CSMD1: variants seen among roughly 807,000 people sequenced by gnomAD.
CSMD1 encodes CUB and Sushi multiple domains 1, also known as CUB and sushi domain-containing protein 1.
A neutral mutation model predicts 417.5 loss-of-function variants in CSMD1; 213 were observed. The ratio of observed to expected loss-of-function variants is 0.51; its 90% CI spans 0.46 to 0.57. The LOEUF is 0.57. CSMD1 is among the 20% of genes least tolerant of loss of function. The pLI is 0.00. For synonymous variants in CSMD1, 2,862 were observed against 1,736.8 expected, an observed-to-expected ratio of 1.65 and a Z score of -16.11; for missense variants, 6,923 against 4,529.7, an observed-to-expected ratio of 1.53 and a Z score of -15.17.
intron 1 of CSMD1, among the ~76,000 whole-genome samples, chr8:4,649,995 C>A (rs190918265): frequency 6.6e-6 from 1 of 152,106 alleles, no homozygotes; most frequent in Non-Finnish European, 1.5e-5. Context: ...ATAAGACTGT[C>A]GAGAACTTGA....
chr8:3,215,042 C>T (rs924881134), intron 29 of CSMD1, among the ~76,000 whole-genome samples: 3 of 152,100 alleles, frequency 2.0e-5, no homozygotes, highest in Non-Finnish European at 4.4e-5. Flanking sequence ...GAAAAATTGA[C>T]TCTGGAAAAA....
intron 3 of CSMD1, among the ~76,000 whole-genome samples, chr8:4,301,374 G>A (rs923005423): frequency 1.3e-5 from 2 of 152,164 alleles, no homozygotes; most frequent in African/African-American, 4.8e-5. Flanking sequence ...CCAGCCCTTG[G>A]TAGCCAATGC....
chr8:3,280,741 G>T lies in CSMD1; in HGVS notation c.4153+3403C>A, dbSNP rs1802671234. Among the ~76,000 whole-genome samples the T allele has an allele frequency of 2.0e-5, 3 of 151,866 alleles. No homozygotes were observed. The South Asian group carries it at 6.2e-4, about 32-fold the overall frequency. ...GTAAAAAATAGTAATTGTCATTTCT[G>T]TAGAAACTTTCATGGTGTCTTCATG... On this transcript the variant is annotated intron_variant, in intron 26 of 69. Coordinates refer to ENST00000635120, the MANE Select transcript of CSMD1 (RefSeq NM_033225.6).
intron 6 of CSMD1, among the ~76,000 whole-genome samples, chr8:3,747,306 G>A (rs1260159335): frequency 6.6e-6 from 1 of 152,144 alleles, no homozygotes; most frequent in African/African-American, 2.4e-5. Context: ...GTAATTTTAT[G>A]TGGCCCCATT....
At chr8:2,962,715 T>C in intron 60 of CSMD1, 76 bp from the exon 61 acceptor site, 2 of 1,443,866 alleles carry the variant, frequency 1.4e-6, no homozygotes, top group South Asian at 1.3e-5. Context: ...TGGTAACTAG[T>C]TTCTGTTAAA....
At chr8:4,445,833 G>A (rs945482885) in intron 2 of CSMD1, among the ~76,000 whole-genome samples, 1 of 152,234 alleles carries the variant, frequency 6.6e-6, no homozygotes, top group Non-Finnish European at 1.5e-5. Context: ...TGCCTACTTA[G>A]TAATTAACAT....
chr8:4,703,538 T>C (rs1432115735), intron 1 of CSMD1, among the ~76,000 whole-genome samples: 1 of 152,174 alleles, frequency 6.6e-6, no homozygotes, highest in Non-Finnish European at 1.5e-5. Context: ...TTTTTATCAA[T>C]TTTGCAAGGA....
At chr8:4,699,321 C>G (rs548195678) in intron 1 of CSMD1, among the ~76,000 whole-genome samples, 10 of 152,314 alleles carry the variant, frequency 6.6e-5, no homozygotes, top group African/African-American at 2.4e-4. Context: ...CTTTACTTCT[C>G]TTAATACTGC....
At chr8:4,955,189 G>A (rs141533079) in intron 1 of CSMD1, among the ~76,000 whole-genome samples, 49 of 152,266 alleles carry the variant, frequency 3.2e-4, no homozygotes, top group African/African-American at 1.2e-3. Context: ...GGCTGTTCCC[G>A]TTGGCTTCTA....
intron 46 of CSMD1, among the ~76,000 whole-genome samples, chr8:3,102,556 G>A (rs1303441261): frequency 2.0e-5 from 3 of 152,162 alleles, no homozygotes; most frequent in Admixed American, 6.6e-5. Flanking sequence ...TTAGACATGT[G>A]CCACTTAAAG....
chr8:3,352,824 G>A (rs112770229), intron 21 of CSMD1, among the ~76,000 whole-genome samples: 2,106 of 152,168 alleles, frequency 0.014, 49 homozygotes, highest in African/African-American at 0.046. Flanking sequence ...TGGGCAACAA[G>A]AAAGAAACTC....
In CSMD1 at chr8:3,898,864, A is replaced by G. The variant is rs557075038; in HGVS notation, c.818+99039T>C. Among the ~76,000 whole-genome samples the G allele has an allele frequency of 1.8e-3, 268 of 152,298 alleles. 2 individuals carry two copies. Among genetic ancestry groups the G allele is most frequent in the Non-Finnish European group, 1.6e-3 (112 of 68,028 alleles). ...TTCTCAGGACATAGCTGATAGCCCCAATACTCTGTTGGTCCCCTTAGGGGT... is the reference window on the plus strand; with the variant it reads ...TTCTCAGGACATAGCTGATAGCCCCGATACTCTGTTGGTCCCCTTAGGGGT... On this transcript the variant is annotated intron_variant, in intron 5 of 69. Coordinates refer to ENST00000635120, the MANE Select transcript of CSMD1 (RefSeq NM_033225.6).
intron 2 of CSMD1, among the ~76,000 whole-genome samples, chr8:4,457,970 C>G (rs1275169209): frequency 1.3e-5 from 2 of 152,160 alleles, no homozygotes; most frequent in African/African-American, 4.8e-5. Context: ...AGATGTACTT[C>G]TTTGGTTGGT....
At position 3,181,274 on chromosome 8, in the gene CSMD1, T is replaced by C. The variant is rs1821306932; in HGVS notation, c.5621-60A>G. The C allele has an allele frequency of 5.2e-6, 6 of 1,150,592 alleles. 1 individual carries two copies. The highest frequency in any genetic ancestry group is 2.7e-5 in the South Asian group (2 of 74,692). The allele number at this position is 1,150,592 out of a possible 1,614,324, so 71.3% of individuals were successfully genotyped here. On this transcript the variant is annotated intron_variant, in intron 36 of 69. Transcript: ENST00000635120. ...ACAAATACATTCACTTTTCTAAATA[T>C]AAAACATATGAGAATACTTATTAGG...
At chr8:3,798,037 G>T (rs772679781) in intron 5 of CSMD1, among the ~76,000 whole-genome samples, 1 of 151,866 alleles carries the variant, frequency 6.6e-6, no homozygotes, top group African/African-American at 2.4e-5. Flanking sequence ...GTGCTTTTTT[G>T]ACCATTTTTA....
At chr8:4,701,342 A>C (rs1213650441) in intron 1 of CSMD1, among the ~76,000 whole-genome samples, 1 of 151,356 alleles carries the variant, frequency 6.6e-6, no homozygotes, top group African/African-American at 2.4e-5. Context: ...ACTCTGCTTA[A>C]GAACTTACTA....
Position 2,994,522 on chromosome 8 carries a change from T to TA in CSMD1, c.8377+3488dup, listed in dbSNP as rs1200640485. On this transcript the variant is annotated intron_variant, in intron 54 of 69. Transcript: ENST00000635120. ...CACGCCATCGTGCCCACTCACGTGATACCACTGCCATGTTTTACAGAGGAA... is the reference window on the plus strand; with the variant it reads ...CACGCCATCGTGCCCACTCACGTGATAACCACTGCCATGTTTTACAGAGGAA... Among the ~76,000 whole-genome samples the TA allele has an allele frequency of 5.9e-5, 9 of 152,308 alleles. 1 individual carries two copies. The highest frequency in any genetic ancestry group is 4.6e-4 in the Admixed American group (7 of 15,304).
intron 3 of CSMD1, among the ~76,000 whole-genome samples, chr8:4,049,958 G>A (rs1488926525): frequency 6.6e-6 from 1 of 152,076 alleles, no homozygotes. Flanking sequence ...TCCTCTTTAG[G>A]TGTCTCCTGG....
intron 10 of CSMD1, among the ~76,000 whole-genome samples, chr8:3,563,843 T>C (rs967586318): frequency 2.0e-5 from 3 of 151,974 alleles, no homozygotes; most frequent in African/African-American, 7.3e-5. Flanking sequence ...GAGCCAAGAG[T>C]ATGCCATCGC....
Sources: allele counts gnomAD v4.1 joint callset (sites outside exome capture counted in the v4.1 genomes callset), GRCh38; gene constraint gnomAD v4.1.1; transcripts MANE v1.5; gene names NCBI Gene and HGNC (gene_info 2026-07-23, HGNC 2026-07-21).